CERS3: variants seen among roughly 807,000 people sequenced by gnomAD.
CERS3 encodes the protein ceramide synthase 3.
CERS3 carries 33 observed loss-of-function variants against 50.3 expected under a neutral mutation model. The observed-to-expected ratio is 0.66, with a 90% confidence interval of 0.50 to 0.88. The LOEUF is 0.88. CERS3 is among the 40% of genes least tolerant of loss of function. The pLI is 0.00. For synonymous variants in CERS3, 176 were observed against 155.2 expected, an observed-to-expected ratio of 1.13 and a Z score of -0.99; for missense variants, 470 against 460.3, an observed-to-expected ratio of 1.02 and a Z score of -0.19.
At chr15:100,440,926 G>A (rs144762892) in intron 11 of CERS3, among the ~76,000 whole-genome samples, 3,906 of 152,242 alleles carry the variant, frequency 0.026, 65 homozygotes, top group South Asian at 0.047. Context: ...CCAAAACTCC[G>A]GCACTGGTCA....
chr15:100,519,782 C>T (rs1343037578), intron 2 of CERS3, among the ~76,000 whole-genome samples: 9 of 152,226 alleles, frequency 5.9e-5, no homozygotes, highest in Admixed American at 4.6e-4. Flanking sequence ...AAGAGCAATA[C>T]TTAGATATTC....
At position 100,418,087 on chromosome 15, in the gene CERS3, C is replaced by T. The variant is rs866216559; in HGVS notation, c.1000-15222G>A. ...CGGAACAAAGCTGGATGGAGAATGA[C>T]TTTGACGAGCTGAGAGAAGAAGGCT... On this transcript the variant is annotated intron_variant, in intron 11 of 11. Transcript: ENST00000679737. Among the ~76,000 whole-genome samples the T allele has an allele frequency of 4.3e-3, 660 of 152,100 alleles. 5 individuals carry two copies. The highest frequency in any genetic ancestry group is 0.015 in the African/African-American group (602 of 41,392).
intron 11 of CERS3, among the ~76,000 whole-genome samples, chr15:100,420,858 A>G (rs1424567235): frequency 6.6e-6 from 1 of 151,838 alleles, no homozygotes; most frequent in Non-Finnish European, 1.5e-5. Context: ...TAGATGCAGA[A>G]AAAGCCTTTG....
chr15:100,505,673 T>C (rs1420690442), intron 2 of CERS3, among the ~76,000 whole-genome samples: 1 of 152,126 alleles, frequency 6.6e-6, no homozygotes, highest in Non-Finnish European at 1.5e-5. Context: ...TAGGAGTAAA[T>C]CTTTGTGACC....
intron 11 of CERS3, among the ~76,000 whole-genome samples, chr15:100,447,413 C>A (rs1192976557): frequency 6.6e-6 from 1 of 152,170 alleles, no homozygotes; most frequent in Non-Finnish European, 1.5e-5. Context: ...ATCTTACATG[C>A]ATTGACTGAT....
At chr15:100,411,591 G>A (rs552774439) in intron 11 of CERS3, among the ~76,000 whole-genome samples, 12 of 152,174 alleles carry the variant, frequency 7.9e-5, no homozygotes, top group Non-Finnish European at 1.2e-4. Context: ...ATGCTGCTAC[G>A]AATATCAACA....
rs770415242 is a variant in CERS3, at chr15:100,484,680, T to C, written c.289-12A>G. ...CCATAAATATCAGTCTGAAAAGGGA[T>C]GAAACGCATAAATGAGTGATAAAGA... On this transcript the variant is annotated splice_polypyrimidine_tract_variant and intron_variant, in intron 4 of 11. Coordinates refer to ENST00000679737, the MANE Select transcript of CERS3 (RefSeq NM_001378789.1). 33 of 1,562,372 alleles carry C rather than the reference T, an allele frequency of 2.1e-5. No homozygotes were observed. Among genetic ancestry groups the C allele is most frequent in the African/African-American group, 2.7e-5 (2 of 73,894 alleles).
chr15:100,498,617 G>C (rs2035903558), intron 3 of CERS3, among the ~76,000 whole-genome samples: 1 of 152,134 alleles, frequency 6.6e-6, no homozygotes, highest in South Asian at 2.1e-4. Context: ...TGAGCCTTCA[G>C]ACAAACCCAT....
chr15:100,484,577 G>T lies in CERS3; in HGVS notation c.380C>A (p.Ser127Tyr), dbSNP rs779593270. 1.2e-6 allele frequency: 2 copies of T among 1,613,622 alleles called. No homozygotes were observed. Among genetic ancestry groups the T allele is most frequent in the Non-Finnish European group, 1.7e-6 (2 of 1,179,664 alleles). The change falls in exon 5 of 12, where the codon TCC becomes TAC. Residue 127 changes from serine to tyrosine, a missense_variant. Physicochemically the swap from Ser to Tyr is moderately radical, Grantham distance 144. Transcript: ENST00000679737. ...AGCTTCCTGGAATTTCTTCAGCCTG[G>T]AAGGCCTCTCTTGATTCCGCCGACT... ...FRSRRNQERPSRLKKFQEACW... is the reference protein window; with the variant it reads ...FRSRRNQERPYRLKKFQEACW...
chr15:100,411,170 T>C (rs1338387605), intron 11 of CERS3, among the ~76,000 whole-genome samples: 1 of 152,204 alleles, frequency 6.6e-6, no homozygotes, highest in Non-Finnish European at 1.5e-5. Flanking sequence ...TTTTCTGTTT[T>C]TTTTCTTTTG....
intron 8 of CERS3, among the ~76,000 whole-genome samples, 191 bp from the exon 9 acceptor site, chr15:100,473,243 C>A (rs1417805776): frequency 3.9e-5 from 6 of 152,144 alleles, no homozygotes; most frequent in South Asian, 4.1e-4. Context: ...TTGATGAAAT[C>A]ATTTAACGTT....
At chr15:100,453,564 G>A (rs1027106681) in intron 11 of CERS3, among the ~76,000 whole-genome samples, 2 of 152,192 alleles carry the variant, frequency 1.3e-5, no homozygotes, top group Non-Finnish European at 2.9e-5. Flanking sequence ...GTGAAAGGCT[G>A]AAAGCCTTTC....
intron 1 of CERS3, among the ~76,000 whole-genome samples, chr15:100,524,655 T>G (rs28561616): frequency 0.13 from 19,290 of 152,220 alleles, 1,415 homozygotes; most frequent in African/African-American, 0.19. Flanking sequence ...GTTGTATGTT[T>G]TTAAAGTTTT....
intron 1 of CERS3, among the ~76,000 whole-genome samples, chr15:100,535,716 G>C: frequency 1.0e-5 from 1 of 97,404 alleles, no homozygotes; most frequent in African/African-American, 3.8e-5. Context: ...CATGTGAAGT[G>C]GGGATATCCC....
chr15:100,455,061 T>C (rs1342570671), intron 11 of CERS3, among the ~76,000 whole-genome samples: 1 of 152,054 alleles, frequency 6.6e-6, no homozygotes, highest in Non-Finnish European at 1.5e-5. Context: ...GTTAAAACTG[T>C]TATTATTAAA....
upstream of CERS3, among the ~76,000 whole-genome samples, chr15:100,533,518 CT>C (rs1388138715): frequency 6.7e-6 from 1 of 150,010 alleles, no homozygotes; most frequent in African/African-American, 2.5e-5. Flanking sequence ...TCTTTTCTTT[CT>C]TTCTCTTTCG....
At chr15:100,406,064 G>A (rs1363395170) in intron 11 of CERS3, among the ~76,000 whole-genome samples, 1 of 152,164 alleles carries the variant, frequency 6.6e-6, no homozygotes, top group African/African-American at 2.4e-5. Context: ...AAGTAATTTT[G>A]CAGAGAAATC....
At chr15:100,458,385 G>C (rs2142203948) in intron 10 of CERS3, among the ~76,000 whole-genome samples, 1 of 152,208 alleles carries the variant, frequency 6.6e-6, no homozygotes, top group Non-Finnish European at 1.5e-5. Flanking sequence ...AGGAGTTCAA[G>C]ACCAGCCTGA....
At chr15:100,464,434 A>G (rs7176695) in intron 10 of CERS3, among the ~76,000 whole-genome samples, 1 of 151,818 alleles carries the variant, frequency 6.6e-6, no homozygotes, top group African/African-American at 2.4e-5. Context: ...GCAACAAGCC[A>G]CCCTGCCCCC....
Sources: allele counts gnomAD v4.1 joint callset (sites outside exome capture counted in the v4.1 genomes callset), GRCh38; gene constraint gnomAD v4.1.1; transcripts MANE v1.5; gene names NCBI Gene and HGNC (gene_info 2026-07-23, HGNC 2026-07-21).